INSL3: variants seen among roughly 807,000 people sequenced by gnomAD.
INSL3 encodes insulin like 3, also known as insulin-like 3.
INSL3 carries 6 observed loss-of-function variants against 5.5 expected under a neutral mutation model. The observed-to-expected ratio is 1.08, with a 90% CI of 0.59 to 2.14. INSL3 has a LOEUF of 2.14. INSL3 is among the 30% of genes most tolerant of loss of function. The probability of loss-of-function intolerance (pLI) is 0.00; values close to 1 mark genes in which losing one functional copy is unlikely to be tolerated. For synonymous variants in INSL3, 86 were observed against 82.1 expected, an observed-to-expected ratio of 1.05 and a Z score of -0.26; for missense variants, 178 against 184.7, an observed-to-expected ratio of 0.96 and a Z score of 0.21.
intron 1 of INSL3, chr19:17,820,409 A>G: frequency 2.5e-6 from 1 of 396,604 alleles, no homozygotes; most frequent in Non-Finnish European, 4.9e-6. Flanking sequence ...GCTAATCCCA[A>G]CACTTTGGAA....
Position 17,821,324 on chromosome 19 carries a change from TCCGGTCG to T in INSL3, c.176_182del (p.Ala59GlufsTer66), listed in dbSNP as rs752073791. 10 of 1,547,330 alleles carry T rather than the reference TCCGGTCG, an allele frequency of 6.5e-6. No homozygotes were observed. In the East Asian group the frequency reaches 2.4e-4, roughly 38 times the overall value. The stretch of plus-strand genomic sequence containing the variant: ...CTGCCCGTCCCCACTCACGGTCGCC[TCCGGTCG>T]CAGGCCTCCTGGCTTCGGTGGACCA... On this transcript the variant is annotated frameshift_variant, in exon 1 of 2. Coordinates refer to ENST00000317306, the MANE Select transcript of INSL3 (RefSeq NM_005543.4). LOFTEE classifies it low-confidence loss of function (END_TRUNC).
Position 17,821,392 on chromosome 19 carries a change from C to T in INSL3, c.115G>A (p.Val39Ile), listed in dbSNP as rs200067291. 118 of 1,548,336 alleles carry T rather than the reference C, an allele frequency of 7.6e-5. No homozygotes were observed. The East Asian group carries it at 2.8e-3, about 36-fold the overall frequency. ...MREKLCGHHF[V>I]RALVRVCGGP... is the part of the protein sequence containing the mutation. ...CCGCACACGCGCACTAGCGCGCGTACGAAGTGGTGGCCGCACAACTTCTCA... is the reference window on the plus strand; with the variant it reads ...CCGCACACGCGCACTAGCGCGCGTATGAAGTGGTGGCCGCACAACTTCTCA... The change falls in exon 1 of 2, where the codon GTA becomes ATA. Residue 39 changes from valine (V) to isoleucine (I), a missense_variant. Physicochemically the swap from Val to Ile is conservative, Grantham distance 29. Coordinates refer to ENST00000317306, the MANE Select transcript of INSL3 (RefSeq NM_005543.4).
chr19:17,819,773 C>G (rs1360219502), intron 1 of INSL3, among the ~76,000 whole-genome samples: 2 of 151,068 alleles, frequency 1.3e-5, no homozygotes, highest in African/African-American at 2.4e-5. Context: ...AGCCGGGAGA[C>G]GGAGCTTGCA....
At chr19:17,821,288 G>T in intron 1 of INSL3, 29 bp downstream of exon 1, 1 of 1,542,114 alleles carries the variant, frequency 6.5e-7, no homozygotes. Context: ...CGGCTTCCCA[G>T]AGCGCTGTCC....
In INSL3 at chr19:17,816,637, C is replaced by T. The variant is rs1043563360; in HGVS notation, c.*217G>A. On this transcript the variant is annotated 3_prime_UTR_variant, in exon 2 of 2. Transcript: ENST00000317306. ...TGTCAGTGTCCAGCATCTGTGAAAG[C>T]GGGGATCCTCCAAGCCAGGGCTAGG... 2.0e-5 allele frequency: 12 copies of T among 597,760 alleles called. No homozygotes were observed. The highest frequency in any genetic ancestry group is 3.7e-5 in the African/African-American group (2 of 54,084). 37.0% of individuals were successfully genotyped at this position (597,760 alleles called of 1,614,324 possible).
At position 17,816,952 on chromosome 19, in the gene INSL3, G is replaced by T. The variant is rs1475007335; in HGVS notation, c.298C>A (p.His100Asn). The T allele has an allele frequency of 6.2e-7, 1 of 1,614,056 alleles. No homozygotes were observed. The highest frequency in any genetic ancestry group is 2.2e-5 in the East Asian group (1 of 44,858). Residue 100 changes from histidine to asparagine, a missense_variant, in exon 2 of 2, where the codon CAT (histidine) becomes AAT (asparagine). His to Asn is a moderately conservative substitution (Grantham distance 68). Transcript: ENST00000317306. Reference protein sequence around the residue: ...GLQPLPQTSHHHRHHRAAATN... With the variant: ...GLQPLPQTSHNHRHHRAAATN... ...GCAGCTGCACGGTGGTGGCGGTGATGGTGAGAGGTCTGGGGCAGGGGCTGC... is the reference window on the plus strand; with the variant it reads ...GCAGCTGCACGGTGGTGGCGGTGATTGTGAGAGGTCTGGGGCAGGGGCTGC...
At position 17,821,425 on chromosome 19, in the gene INSL3, C is replaced by A. The variant is rs2094195666; in HGVS notation, c.82G>T (p.Glu28Ter). The A allele has an allele frequency of 6.5e-7, 1 of 1,546,896 alleles. No homozygotes were observed. The highest frequency in any genetic ancestry group is 8.7e-7 in the Non-Finnish European group (1 of 1,144,666). ...VFALGPAPTPEMREKLCGHHF... is the reference protein window; with the variant it reads ...VFALGPAPTP ...TGGCCGCACAACTTCTCACGCATCT[C>A]TGGGGTGGGCGCGGGGCCCAACGCG... The change falls in exon 1 of 2, where the codon GAG becomes TAG. Residue 28 changes from glutamate (E) to a stop codon, truncating the protein, a stop_gained. Coordinates refer to ENST00000317306, the MANE Select transcript of INSL3 (RefSeq NM_005543.4). LOFTEE classifies it high-confidence loss of function.
intron 1 of INSL3, among the ~76,000 whole-genome samples, chr19:17,817,570 G>A (rs1431200013): frequency 6.6e-6 from 1 of 150,990 alleles, no homozygotes; most frequent in Admixed American, 6.6e-5. Flanking sequence ...GAGGTGGGTG[G>A]ATCACTTGAG....
At chr19:17,821,230 C>T in intron 1 of INSL3, 87 bp downstream of exon 1, 2 of 1,452,844 alleles carry the variant, frequency 1.4e-6, no homozygotes, top group African/African-American at 1.4e-5. Context: ...CAAACCTGCC[C>T]ACCTCCCTGC....
At chr19:17,818,875 G>C (rs890749977) in intron 1 of INSL3, among the ~76,000 whole-genome samples, 6 of 151,472 alleles carry the variant, frequency 4.0e-5, no homozygotes, top group Non-Finnish European at 5.9e-5. Flanking sequence ...CCAAATGTCA[G>C]CATCAGCTTT....
chr19:17,817,029 T>G lies in INSL3; in HGVS notation c.221A>C (p.His74Pro). 1 of 1,613,618 alleles carries G rather than the reference T, an allele frequency of 6.2e-7. No individual in the cohort carries two copies. The highest frequency in any genetic ancestry group is 1.1e-5 in the South Asian group (1 of 91,080). ...RELLQWLERR[H>P]LLHGLVADSN... Reference sequence around the variant, plus strand: ...GTCGGCCACCAGCCCATGGAGCAGATGTCGTCTCTCCAGCCACTGTAGCAA... The same window carrying G: ...GTCGGCCACCAGCCCATGGAGCAGAGGTCGTCTCTCCAGCCACTGTAGCAA... Residue 74 changes from histidine (H) to proline (P), a missense_variant, in exon 2 of 2, where the codon CAT (histidine) becomes CCT (proline). Transcript: ENST00000317306.
chr19:17,818,121 T>A (rs932890102), intron 1 of INSL3, among the ~76,000 whole-genome samples: 5 of 152,024 alleles, frequency 3.3e-5, no homozygotes, highest in African/African-American at 1.2e-4. Context: ...CACCCACGCA[T>A]GTGTGGTGGA....
At chr19:17,819,544 G>C (rs1019073894) in intron 1 of INSL3, among the ~76,000 whole-genome samples, 1 of 152,140 alleles carries the variant, frequency 6.6e-6, no homozygotes, top group African/African-American at 2.4e-5. Context: ...GAGGTCAGGA[G>C]TTCAAGACCA....
At chr19:17,819,236 A>AAT (rs935714778) in intron 1 of INSL3, among the ~76,000 whole-genome samples, 9 of 147,866 alleles carry the variant, frequency 6.1e-5, no homozygotes, top group Admixed American at 2.0e-4. Context: ...CCTGTCTCAA[A>AAT]ATATATATAT....
chr19:17,817,560 G>A lies in INSL3; in HGVS notation c.191-501C>T, dbSNP rs190473385. On this transcript the variant is annotated intron_variant, in intron 1 of 1. Transcript: ENST00000317306. ...TGTAATCCCAGCACTTTGGGAGGCC[G>A]AGGTGGGTGGATCACTTGAGGTCAG... Among the ~76,000 whole-genome samples the A allele has an allele frequency of 7.3e-5, 11 of 150,666 alleles. No homozygotes were observed. In the East Asian group the frequency reaches 1.6e-3, roughly 22 times the overall value.
chr19:17,820,104 C>G (rs1036542481), intron 1 of INSL3, among the ~76,000 whole-genome samples: 2 of 151,388 alleles, frequency 1.3e-5, no homozygotes, highest in Non-Finnish European at 2.9e-5. Context: ...GAGCGAGACT[C>G]CATCTCAAAC....
rs113791892 is a variant in INSL3 at position 17,818,201 on chromosome 19, G to A, written c.191-1142C>T. Among the ~76,000 whole-genome samples the A allele has an allele frequency of 2.9e-3, 440 of 152,220 alleles. 1 individual carries two copies. Among genetic ancestry groups the A allele is most frequent in the African/African-American group, 9.5e-3 (395 of 41,548 alleles). On this transcript the variant is annotated intron_variant, in intron 1 of 1. Coordinates refer to ENST00000317306, the MANE Select transcript of INSL3 (RefSeq NM_005543.4). Reference sequence around the variant, plus strand: ...CCACCTCCCCTGGATCCCTAACACCGCAAGTGGAGTGGCACACAGAGACAT... The same window carrying A: ...CCACCTCCCCTGGATCCCTAACACCACAAGTGGAGTGGCACACAGAGACAT...
At chr19:17,817,100 A>C in intron 1 of INSL3, 41 bp from the exon 2 acceptor site, 16 of 1,575,174 alleles carry the variant, frequency 1.0e-5, no homozygotes, top group Non-Finnish European at 1.4e-5. Context: ...GAAACGACAG[A>C]GGACATGCTA....
chr19:17,817,795 C>CA (rs58956953), intron 1 of INSL3, among the ~76,000 whole-genome samples: 5,529 of 40,130 alleles, frequency 0.14, 1,015 homozygotes, highest in East Asian at 0.29. Context: ...AACTCCATCT[C>CA]AAAAAAAAAA....
Sources: gnomAD v4.1 joint callset for allele counts (sites outside exome capture counted in the v4.1 genomes callset) on GRCh38, gnomAD v4.1.1 for gene constraint, MANE v1.5 for transcripts, NCBI Gene and HGNC (gene_info 2026-07-23, HGNC 2026-07-21) for gene names.